BEGAIN: variants seen among roughly 807,000 people sequenced by gnomAD.
The protein encoded by BEGAIN is brain-enriched guanylate kinase-associated protein.
Under a neutral mutation model 35.8 loss-of-function variants are expected in BEGAIN, and 19 were observed. The ratio of observed to expected loss-of-function variants is 0.53; its 90% CI spans 0.37 to 0.78. BEGAIN has a LOEUF of 0.78. BEGAIN is among the 30% of genes least tolerant of loss of function. BEGAIN has a pLI of 0.00. For synonymous variants in BEGAIN, 462 were observed against 388.6 expected (o/e 1.19, Z -2.22); for missense variants, 795 against 853.6 (o/e 0.93, Z 0.85).
intron 2 of BEGAIN, among the ~76,000 whole-genome samples, chr14:100,562,539 A>C: frequency 6.6e-6 from 1 of 151,814 alleles, no homozygotes; most frequent in Middle Eastern, 3.4e-3. Context: ...GTTGTCTTTG[A>C]CACCCCCTTT....
intron 5 of BEGAIN, among the ~76,000 whole-genome samples, chr14:100,541,657 C>T (rs926351877): frequency 2.6e-5 from 4 of 152,246 alleles, no homozygotes; most frequent in Non-Finnish European, 5.9e-5. Flanking sequence ...GCAGGCACTG[C>T]CCAGCCAGCC....
intron 2 of BEGAIN, among the ~76,000 whole-genome samples, chr14:100,560,826 G>C (rs2034178226): frequency 6.6e-6 from 1 of 152,160 alleles, no homozygotes; most frequent in African/African-American, 2.4e-5. Context: ...CTCACGTCCT[G>C]CAACTCTGTC....
chr14:100,584,678 G>A (rs2035396026), intron 1 of BEGAIN, among the ~76,000 whole-genome samples: 1 of 152,138 alleles, frequency 6.6e-6, no homozygotes, highest in Non-Finnish European at 1.5e-5. Flanking sequence ...CCTGCTCTCA[G>A]GCCACAGAAG....
intron 2 of BEGAIN, among the ~76,000 whole-genome samples, chr14:100,559,874 G>A (rs2034082389): frequency 6.6e-6 from 1 of 152,212 alleles, no homozygotes; most frequent in African/African-American, 2.4e-5. Flanking sequence ...CAGCTACGGG[G>A]AGGGTTGTCA....
Position 100,538,697 on chromosome 14 carries a change from C to G in BEGAIN, c.1111G>C (p.Ala371Pro). 6.4e-7 allele frequency: 1 copy of G among 1,559,176 alleles called. No homozygotes were observed. ...TYEGSPRFAK[A>P]TAAVAAPLEA... ...AGCGGGGCCGCCACCGCGGCCGTGG[C>G]CTTGGCAAAGCGAGGGCTGCCCTCG... is the stretch of plus-strand genomic sequence containing the variant. The change falls in exon 7 of 7, where the codon GCC (alanine) becomes CCC (proline). Residue 371 changes from alanine to proline, a missense_variant. Transcript: ENST00000554140.
rs1487928784 is a variant in BEGAIN, at chr14:100,546,630, T to C, written c.104A>G (p.Lys35Arg). 6.3e-7 allele frequency: 1 copy of C among 1,580,828 alleles called. No individual in the cohort carries two copies. The highest frequency in any genetic ancestry group is 1.1e-5 in the South Asian group (1 of 87,844). Residue 35 changes from lysine to arginine, a missense_variant, in exon 3 of 7, where the codon AAG becomes AGG. Transcript: ENST00000554140. ...CTTGTGTGTGGTGTAGGACAGCCGC[T>C]TGCGCAGCTCGCCCTTCTGCTCCTG... ...ALQEQKGELR[K>R]RLSYTTHKLE... is the part of the protein sequence containing the mutation.
At position 100,538,422 on chromosome 14, in the gene BEGAIN, G is replaced by A; in HGVS notation, c.1386C>T (p.Ser462=). The change falls in exon 7 of 7, where the codon AGC becomes AGT. Residue 462 remains serine (S), a synonymous_variant. Transcript: ENST00000554140. ...VSAAGRASPC[S]FSERYYGGAG... The stretch of plus-strand genomic sequence containing the variant: ...CCCCGCCGTAGTAGCGTTCAGAGAA[G>A]CTGCAGGGTGAGGCGCGGCCGGCAG... 1 of 1,584,632 alleles carries A rather than the reference G, an allele frequency of 6.3e-7. No homozygotes were observed. Among genetic ancestry groups the A allele is most frequent in the Non-Finnish European group, 8.6e-7 (1 of 1,168,510 alleles).
At chr14:100,549,002 C>T (rs955707832) in intron 2 of BEGAIN, 3 of 152,332 alleles carry the variant, frequency 2.0e-5, no homozygotes, top group Admixed American at 1.3e-4. Context: ...GCCCCTGACT[C>T]TCACACCCCT....
intron 2 of BEGAIN, among the ~76,000 whole-genome samples, chr14:100,553,991 AG>A (rs564861233): frequency 0.011 from 1,665 of 152,284 alleles, 15 homozygotes; most frequent in Non-Finnish European, 0.019. Flanking sequence ...CTGGAGCCCC[AG>A]GGCCCTGCCT....
intron 2 of BEGAIN, among the ~76,000 whole-genome samples, chr14:100,566,611 T>C (rs1245338766): frequency 2.0e-5 from 3 of 152,208 alleles, no homozygotes; most frequent in African/African-American, 4.8e-5. Flanking sequence ...AGTTTGGGCC[T>C]GAGGTCATCT....
Position 100,538,987 on chromosome 14 carries a change from C to T in BEGAIN, c.821G>A (p.Gly274Asp). 6.2e-7 allele frequency: 1 copy of T among 1,610,406 alleles called. No homozygotes were observed. The highest frequency in any genetic ancestry group is 1.7e-5 in the Admixed American group (1 of 59,788). The change falls in exon 7 of 7, where the codon GGC (glycine) becomes GAC (aspartate). Residue 274 changes from glycine (G) to aspartate (D), a missense_variant. This residue lies in a region of BEGAIN where 664 missense variants were observed against 647.7 expected (regional missense o/e 1.03). Transcript: ENST00000554140. ...PSVDAPVTDV[G>D]FLRAQNSTDS... ...AGTGGAGTTCTGGGCCCGCAGGAAG[C>T]CCACGTCGGTCACGGGCGCGTCCAC...
chr14:100,574,124 G>A (rs920364178), intron 1 of BEGAIN, among the ~76,000 whole-genome samples: 6 of 152,204 alleles, frequency 3.9e-5, no homozygotes, highest in Admixed American at 2.6e-4. Context: ...TGCTGGGCAC[G>A]TGGTGGGGTT....
intron 2 of BEGAIN, among the ~76,000 whole-genome samples, chr14:100,562,423 G>A (rs2139665385): frequency 6.6e-6 from 1 of 152,144 alleles, no homozygotes; most frequent in East Asian, 1.9e-4. Context: ...AATAAAAGGG[G>A]ACACCTCAAG....
At chr14:100,572,569 T>A (rs941308129) in intron 1 of BEGAIN, among the ~76,000 whole-genome samples, 1 of 152,184 alleles carries the variant, frequency 6.6e-6, no homozygotes, top group Non-Finnish European at 1.5e-5. Flanking sequence ...TGAATCTTGT[T>A]GCCCTTACCC....
At chr14:100,552,404 C>G (rs1000603472) in intron 2 of BEGAIN, among the ~76,000 whole-genome samples, 1 of 152,168 alleles carries the variant, frequency 6.6e-6, no homozygotes, top group Non-Finnish European at 1.5e-5. Context: ...TGGAGGGCAT[C>G]CCATCCTAGA....
chr14:100,564,577 A>G (rs2034542376), intron 2 of BEGAIN, among the ~76,000 whole-genome samples: 1 of 152,126 alleles, frequency 6.6e-6, no homozygotes, highest in African/African-American at 2.4e-5. Flanking sequence ...GAGTCACAAG[A>G]ATAGTTTTTC....
At chr14:100,564,525 C>T (rs534554787) in intron 2 of BEGAIN, among the ~76,000 whole-genome samples, 3 of 152,180 alleles carry the variant, frequency 2.0e-5, no homozygotes, top group East Asian at 1.9e-4. Flanking sequence ...TCTGAGCACA[C>T]GGAGAGCCAG....
At position 100,539,238 on chromosome 14, in the gene BEGAIN, G is replaced by A. The variant is rs757984692; in HGVS notation, c.570C>T (p.His190=). 3.8e-6 allele frequency: 6 copies of A among 1,589,166 alleles called. No homozygotes were observed. In the African/African-American group the frequency reaches 4.0e-5, roughly 11 times the overall value. Residue 190 remains histidine, a synonymous_variant, in exon 7 of 7, where the codon CAC becomes CAT. Coordinates refer to ENST00000554140, the MANE Select transcript of BEGAIN (RefSeq NM_001385089.1). ...TGGGGACGCTGTCGGCGTAGGCCGG[G>A]TGGCAGAGCGGGGATGGCAGGCTGC... ...HGCSLPSPLC[H]PAYADSVPTC...
Position 100,544,991 on chromosome 14 carries a change from C to T in BEGAIN, c.300+9G>A, listed in dbSNP as rs369042883. 3.0e-5 allele frequency: 49 copies of T among 1,610,736 alleles called. No individual in the cohort carries two copies. Among genetic ancestry groups the T allele is most frequent in the Admixed American group, 5.0e-5 (3 of 60,016 alleles). The stretch of plus-strand genomic sequence containing the variant: ...GGGTGGGGGAGTGGGCGCTGCGTGG[C>T]GGCCTCACCATGCGGTACAGCTTGT... On this transcript the variant is annotated intron_variant, in intron 4 of 6. Transcript: ENST00000554140.
Sources: gnomAD v4.1 joint callset for allele counts (sites outside exome capture counted in the v4.1 genomes callset) on GRCh38, gnomAD v4.1.1 for gene constraint, gnomAD v4.1.1 regional missense constraint, MANE v1.5 for transcripts, NCBI Gene and HGNC (gene_info 2026-07-23, HGNC 2026-07-21) for gene names.